Variants in SRBD1 observed in about 807,000 individuals in gnomAD.
SRBD1 encodes the protein S1 RNA binding domain 1.
In SRBD1, 88 loss-of-function variants were observed where a neutral mutation model predicts 115.3. The observed-to-expected ratio is 0.76, with a 90% CI of 0.64 to 0.91. The LOEUF is 0.91. Ranked by LOEUF, SRBD1 falls within the 40% of genes least tolerant of loss-of-function variation. SRBD1 has a pLI of 0.00. For missense variants in SRBD1, 1,385 were observed against 1,177.4 expected, an observed-to-expected ratio of 1.18 and a Z score of -2.58; for synonymous variants, 509 against 407.7, an observed-to-expected ratio of 1.25 and a Z score of -2.99.
chr2:45,467,250 G>A (rs1669516982), intron 16 of SRBD1, among the ~76,000 whole-genome samples: 6 of 152,214 alleles, frequency 3.9e-5, no homozygotes, highest in Admixed American at 3.9e-4. Context: ...ATTTTAAGAA[G>A]CTTGTTGGCA....
At chr2:45,390,190 T>C (rs891991805) in intron 20 of SRBD1, among the ~76,000 whole-genome samples, 17 of 152,232 alleles carry the variant, frequency 1.1e-4, no homozygotes, top group Non-Finnish European at 1.8e-4. Context: ...TGATTATCTA[T>C]GGCTCAGAAT....
chr2:45,402,999 T>C (rs181022893), intron 19 of SRBD1, among the ~76,000 whole-genome samples: 3 of 152,314 alleles, frequency 2.0e-5, no homozygotes, highest in Non-Finnish European at 2.9e-5. Flanking sequence ...ATTTTACTTA[T>C]GGTTTATGGT....
chr2:45,459,701 C>T (rs536581744), intron 16 of SRBD1, among the ~76,000 whole-genome samples: 1 of 152,174 alleles, frequency 6.6e-6, no homozygotes, highest in East Asian at 1.9e-4. Context: ...TTCCCTTTAA[C>T]ACTCCTTCAG....
intron 20 of SRBD1, among the ~76,000 whole-genome samples, chr2:45,390,208 C>T (rs551251302): frequency 6.6e-6 from 1 of 152,264 alleles, no homozygotes; most frequent in East Asian, 1.9e-4. Context: ...AATCCCAGAC[C>T]AGGTAGTATC....
chr2:45,518,001 A>T (rs979266842), intron 14 of SRBD1, among the ~76,000 whole-genome samples: 15 of 152,140 alleles, frequency 9.9e-5, no homozygotes, highest in Non-Finnish European at 1.8e-4. Flanking sequence ...TATCTCAAAA[A>T]ATAATGATGA....
chr2:45,467,841 C>T (rs1669535550), intron 16 of SRBD1, among the ~76,000 whole-genome samples: 1 of 152,056 alleles, frequency 6.6e-6, no homozygotes, highest in South Asian at 2.1e-4. Flanking sequence ...TACACACACA[C>T]TCATCAATAT....
At position 45,567,431 on chromosome 2, in the gene SRBD1, G is replaced by A. The variant is rs184563675; in HGVS notation, c.1306-4675C>T. ...TCAAGATGAGCCTGGGCAACATGGC[G>A]AAACCCCAACTCTCAAAAAATACAA... On this transcript the variant is annotated intron_variant, in intron 9 of 20. Coordinates refer to ENST00000263736, the MANE Select transcript of SRBD1 (RefSeq NM_018079.5). 5.3e-5 allele frequency among the ~76,000 whole-genome samples: 8 copies of A among 152,040 alleles called. No individual in the cohort carries two copies. In the East Asian group the frequency reaches 7.7e-4, roughly 15 times the overall value.
At chr2:45,414,044 A>C (rs1667686276) in intron 18 of SRBD1, among the ~76,000 whole-genome samples, 2 of 152,224 alleles carry the variant, frequency 1.3e-5, no homozygotes, top group Admixed American at 1.3e-4. Context: ...GAGAAAATTA[A>C]AACATTACTT....
chr2:45,389,839 C>T (rs532954875), intron 20 of SRBD1, among the ~76,000 whole-genome samples: 52 of 152,292 alleles, frequency 3.4e-4, no homozygotes, highest in Non-Finnish European at 5.9e-4. Flanking sequence ...ATGCTACACA[C>T]TAGCATTATA....
chr2:45,588,228 G>C (rs921918040), intron 4 of SRBD1, among the ~76,000 whole-genome samples: 2 of 152,138 alleles, frequency 1.3e-5, no homozygotes, highest in Non-Finnish European at 2.9e-5. Context: ...CGTTGCATTT[G>C]GAATCCAAAC....
At chr2:45,577,002 T>C (rs1043413050) in intron 7 of SRBD1, among the ~76,000 whole-genome samples, 1 of 152,048 alleles carries the variant, frequency 6.6e-6, no homozygotes, top group Non-Finnish European at 1.5e-5. Context: ...AAAAATAAAA[T>C]CATACCAGGT....
chr2:45,549,697 A>G (rs1398835038), intron 12 of SRBD1, among the ~76,000 whole-genome samples: 2 of 22,202 alleles, frequency 9.0e-5, no homozygotes, highest in Non-Finnish European at 2.0e-4. Context: ...CTAAAAATAC[A>G]AAAAAAAAAA....
intron 15 of SRBD1, among the ~76,000 whole-genome samples, chr2:45,486,463 C>T (rs1048656168): frequency 6.6e-6 from 1 of 152,068 alleles, no homozygotes; most frequent in African/African-American, 2.4e-5. Context: ...TGCGGTGGCT[C>T]ACGCCTGTAA....
Position 45,389,247 on chromosome 2 carries a change from AC to A in SRBD1, c.*62del. 2.6e-6 allele frequency: 4 copies of A among 1,560,862 alleles called. No homozygotes were observed. The highest frequency in any genetic ancestry group is 3.5e-6 in the Non-Finnish European group (4 of 1,149,744). ...GCTACCTAGAGTTTACAAACAACTG[AC>A]TTATCCTTGTCAATCTGTGGAAATG... On this transcript the variant is annotated 3_prime_UTR_variant, in exon 21 of 21. Coordinates refer to ENST00000263736, the MANE Select transcript of SRBD1 (RefSeq NM_018079.5).
chr2:45,468,020 A>G (rs1572673543), intron 16 of SRBD1, among the ~76,000 whole-genome samples: 1 of 152,284 alleles, frequency 6.6e-6, no homozygotes, highest in East Asian at 1.9e-4. Flanking sequence ...TATAAATATG[A>G]TTGAAACTCC....
intron 18 of SRBD1, 85 bp downstream of exon 18, chr2:45,418,280 A>T: frequency 6.7e-7 from 1 of 1,491,996 alleles, no homozygotes; most frequent in Non-Finnish European, 9.1e-7. Flanking sequence ...ACACTTAGAA[A>T]ATTTTACACT....
intron 1 of SRBD1, among the ~76,000 whole-genome samples, chr2:45,608,993 A>T (rs1213833941): frequency 1.3e-5 from 2 of 152,016 alleles, no homozygotes; most frequent in African/African-American, 4.8e-5. Flanking sequence ...TTTTTGATAG[A>T]GACGGGGTTC....
intron 19 of SRBD1, among the ~76,000 whole-genome samples, chr2:45,405,335 GT>G (rs1174137819): frequency 3.9e-5 from 6 of 152,078 alleles, no homozygotes; most frequent in Non-Finnish European, 8.8e-5. Flanking sequence ...TGTTTGTCTT[GT>G]TTTTGTGTGG....
chr2:45,587,607 T>C (rs1472951726), intron 4 of SRBD1, among the ~76,000 whole-genome samples: 3 of 152,102 alleles, frequency 2.0e-5, no homozygotes, highest in Non-Finnish European at 2.9e-5. Flanking sequence ...TCCAGATACA[T>C]AACAGACTGA....
Sources: gnomAD v4.1 joint callset for allele counts (sites outside exome capture counted in the v4.1 genomes callset) on GRCh38, gnomAD v4.1.1 for gene constraint, MANE v1.5 for transcripts, NCBI Gene and HGNC (gene_info 2026-07-23, HGNC 2026-07-21) for gene names.